Variants in RANBP2 observed in about 807,000 individuals in gnomAD.
RANBP2 encodes the protein RAN binding protein 2.
A neutral mutation model predicts 303.6 loss-of-function variants in RANBP2; 57 were observed. The ratio of observed to expected loss-of-function variants is 0.19; its 90% CI spans 0.15 to 0.23. The LOEUF (loss-of-function observed/expected upper bound fraction) is 0.23, where lower values mean the gene tolerates loss of function less well. Ranked by LOEUF, RANBP2 falls within the 10% of genes least tolerant of loss-of-function variation. The pLI is 1.00. For synonymous variants in RANBP2, 1,167 were observed against 1,301.5 expected, an observed-to-expected ratio of 0.90 and a Z score of 2.23; for missense variants, 3,138 against 3,780.8, an observed-to-expected ratio of 0.83 and a Z score of 4.46.
the RANBP2 span, among the ~76,000 whole-genome samples, chr2:108,947,539 C>T: frequency 2.0e-5 from 3 of 152,204 alleles, no homozygotes; most frequent in Non-Finnish European, 4.4e-5. Context: ...CATACATACT[C>T]TGAAATCTAG....
chr2:108,892,071 G>A, the RANBP2 span, among the ~76,000 whole-genome samples: 1 of 152,174 alleles, frequency 6.6e-6, no homozygotes, highest in African/African-American at 2.4e-5. Context: ...GCCAGGATAA[G>A]GTGATCCTCA....
At chr2:108,853,983 AATATATAATAAATTTATATTATATATAAT>A in the RANBP2 span, among the ~76,000 whole-genome samples, 5 of 9,426 alleles carry the variant, frequency 5.3e-4, no homozygotes, top group East Asian at 0.043. Flanking sequence ...TATAATATAT[AATATATAATAAATTTATATTATATATAAT>A]ATATAATAAA....
chr2:109,043,461 G>T, the RANBP2 span, among the ~76,000 whole-genome samples: 2 of 152,042 alleles, frequency 1.3e-5, no homozygotes, highest in Non-Finnish European at 2.9e-5. Flanking sequence ...TCCTGTCTCA[G>T]CCTCCCGAGT....
chr2:108,894,706 C>T, the RANBP2 span: 1 of 152,270 alleles, frequency 6.6e-6, no homozygotes, highest in Non-Finnish European at 1.5e-5. Context: ...GTTCTGAATC[C>T]CATAACATAG....
chr2:109,269,925 TAAC>T, the RANBP2 span, among the ~76,000 whole-genome samples: 4 of 152,226 alleles, frequency 2.6e-5, no homozygotes, highest in Non-Finnish European at 4.4e-5. Flanking sequence ...AAGCAAAACG[TAAC>T]TACTACTAAT....
the RANBP2 span, among the ~76,000 whole-genome samples, chr2:108,982,441 A>G: frequency 6.6e-6 from 1 of 152,394 alleles, no homozygotes; most frequent in Admixed American, 6.5e-5. Context: ...AACTAGGGAC[A>G]TTGGCGTTTG....
At chr2:108,929,223 C>T in the RANBP2 span, 4 of 1,614,094 alleles carry the variant, frequency 2.5e-6, no homozygotes, top group East Asian at 2.2e-5. Context: ...CCACACTCAG[C>T]GTCATTCTCC....
the RANBP2 span, among the ~76,000 whole-genome samples, chr2:109,569,734 G>A: frequency 6.6e-6 from 1 of 152,086 alleles, no homozygotes; most frequent in East Asian, 1.9e-4. Context: ...ACTTATAATT[G>A]CTTGCACAAT....
the RANBP2 span, among the ~76,000 whole-genome samples, chr2:108,970,605 A>C: frequency 6.6e-6 from 1 of 152,142 alleles, no homozygotes; most frequent in Non-Finnish European, 1.5e-5. Flanking sequence ...AGGGTGGGGC[A>C]GGGGACCAAG....
the RANBP2 span, among the ~76,000 whole-genome samples, chr2:109,183,867 C>G: frequency 1.8e-4 from 28 of 152,174 alleles, no homozygotes; most frequent in Admixed American, 1.7e-3. Context: ...GCCATTCTCT[C>G]TAGGGCATTG....
chr2:109,129,564 G>C, the RANBP2 span: 1 of 1,490,136 alleles, frequency 6.7e-7, no homozygotes, highest in Non-Finnish European at 8.9e-7. Flanking sequence ...CGTCCTGGCT[G>C]TGCGCATCCA....
At chr2:109,434,792 C>T in the RANBP2 span, among the ~76,000 whole-genome samples, 1 of 152,246 alleles carries the variant, frequency 6.6e-6, no homozygotes, top group African/African-American at 2.4e-5. Flanking sequence ...CCATCTCCAG[C>T]CTTGTTTACC....
At chr2:109,236,341 C>T in the RANBP2 span, among the ~76,000 whole-genome samples, 1 of 152,126 alleles carries the variant, frequency 6.6e-6, no homozygotes, top group Non-Finnish European at 1.5e-5. Flanking sequence ...AGCAGTGCCT[C>T]CAGAGTGTGC....
At chr2:109,472,115 T>C in the RANBP2 span, among the ~76,000 whole-genome samples, 1 of 152,168 alleles carries the variant, frequency 6.6e-6, no homozygotes, top group East Asian at 1.9e-4. Context: ...TTAATTATTA[T>C]TAATTAGTTA....
At chr2:109,268,382 C>T in the RANBP2 span, among the ~76,000 whole-genome samples, 1 of 151,934 alleles carries the variant, frequency 6.6e-6, no homozygotes, top group Non-Finnish European at 1.5e-5. Flanking sequence ...CCGTTTCACC[C>T]GCACAACTGC....
the RANBP2 span, among the ~76,000 whole-genome samples, chr2:109,266,555 G>A: frequency 2.0e-5 from 3 of 152,068 alleles, no homozygotes; most frequent in East Asian, 5.8e-4. Flanking sequence ...TAAACCACTG[G>A]TGACACCAGG....
the RANBP2 span, among the ~76,000 whole-genome samples, chr2:108,918,220 C>T: frequency 6.6e-6 from 1 of 152,204 alleles, no homozygotes; most frequent in African/African-American, 2.4e-5. Flanking sequence ...CAGCCCTGTG[C>T]AGCCCCCAGG....
At chr2:109,533,243 G>A in the RANBP2 span, among the ~76,000 whole-genome samples, 11 of 152,238 alleles carry the variant, frequency 7.2e-5, no homozygotes, top group East Asian at 1.9e-4. Context: ...AACACAGCCC[G>A]TGGAGGGCAC....
the RANBP2 span, among the ~76,000 whole-genome samples, chr2:108,941,984 G>A: frequency 6.6e-6 from 1 of 152,340 alleles, no homozygotes; most frequent in South Asian, 2.1e-4. Flanking sequence ...GCTGGGGAAG[G>A]TGGCTGCCTT....
Sources: allele counts gnomAD v4.1 joint callset (sites outside exome capture counted in the v4.1 genomes callset), GRCh38; gene constraint gnomAD v4.1.1; transcripts MANE v1.5; gene names NCBI Gene and HGNC (gene_info 2026-07-23, HGNC 2026-07-21).